Variants in KIFAP3 observed in about 807,000 individuals in gnomAD.
KIFAP3 encodes kinesin associated protein 3.
In KIFAP3, 68 loss-of-function variants were observed where a neutral mutation model predicts 106.5. That is an observed-to-expected ratio of 0.64 (90% CI 0.53 to 0.78). The LOEUF is 0.78. Among genes scored for constraint, KIFAP3 ranks in the 30% least tolerant of loss-of-function variants. KIFAP3 has a pLI of 0.00. For synonymous variants in KIFAP3, 320 were observed against 311.5 expected, an observed-to-expected ratio of 1.03 and a Z score of -0.29; for missense variants, 780 against 941.8, an observed-to-expected ratio of 0.83 and a Z score of 2.25.
At chr1:169,932,188 T>C (rs1411976820) in intron 19 of KIFAP3, among the ~76,000 whole-genome samples, 1 of 152,210 alleles carries the variant, frequency 6.6e-6, no homozygotes, top group Non-Finnish European at 1.5e-5. Flanking sequence ...TTGCTTATAC[T>C]GTTTGGGGAA....
intron 3 of KIFAP3, among the ~76,000 whole-genome samples, chr1:170,045,832 G>A (rs1670217881): frequency 1.3e-5 from 2 of 152,212 alleles, no homozygotes; most frequent in Admixed American, 1.3e-4. Context: ...TTTCCTTGTT[G>A]CTAAAGTCAC....
At chr1:169,923,525 A>G (rs1188927587) in intron 19 of KIFAP3, among the ~76,000 whole-genome samples, 2 of 152,182 alleles carry the variant, frequency 1.3e-5, no homozygotes, top group East Asian at 3.8e-4. Flanking sequence ...TCTTTTGCTT[A>G]TTACCTGTCT....
intron 10 of KIFAP3, among the ~76,000 whole-genome samples, chr1:169,999,078 A>C (rs963619229): frequency 2.6e-5 from 4 of 152,206 alleles, no homozygotes; most frequent in Admixed American, 2.6e-4. Context: ...TTTGCAGATC[A>C]CATAGCAATA....
At chr1:169,961,493 A>G (rs1360230480) in intron 17 of KIFAP3, among the ~76,000 whole-genome samples, 1 of 152,206 alleles carries the variant, frequency 6.6e-6, no homozygotes, top group Non-Finnish European at 1.5e-5. Flanking sequence ...TTCTTATTTA[A>G]TATTACATAA....
chr1:169,921,681 A>T lies in KIFAP3; in HGVS notation c.2374T>A (p.Ser792Thr). Residue 792 changes from serine to threonine, a missense_variant, in exon 20 of 20, where the codon TCT becomes ACT. Physicochemically the swap from Ser to Thr is moderately conservative, Grantham distance 58. Transcript: ENST00000361580. ...PDEPYYYGYG[S>T] ...ACATGGAAACAGATACTTTATCAAGATCCATAGCCATAGTAGTAAGGTTCA... is the reference window on the plus strand; with the variant it reads ...ACATGGAAACAGATACTTTATCAAGTTCCATAGCCATAGTAGTAAGGTTCA... 6.2e-7 allele frequency: 1 copy of T among 1,610,364 alleles called. No homozygotes were observed. Among genetic ancestry groups the T allele is most frequent in the Non-Finnish European group, 8.5e-7 (1 of 1,176,660 alleles).
intron 17 of KIFAP3, among the ~76,000 whole-genome samples, chr1:169,969,866 AT>A (rs1348737902): frequency 6.6e-6 from 1 of 151,984 alleles, no homozygotes; most frequent in Non-Finnish European, 1.5e-5. Flanking sequence ...AAATTTTTAT[AT>A]TAAGGAACTT....
In KIFAP3 at chr1:169,952,800, T is replaced by C. The variant is rs1571550168; in HGVS notation, c.2273+1211A>G. Among the ~76,000 whole-genome samples, 6 of 152,240 alleles carry C rather than the reference T, an allele frequency of 3.9e-5. No individual in the cohort carries two copies. In the South Asian group the frequency reaches 1.0e-3, roughly 26 times the overall value. ...CAAGTTAAAATATATACGATGAATA[T>C]TTGTAAAACAGATTATATACAATGG... On this transcript the variant is annotated intron_variant, in intron 19 of 19. Coordinates refer to ENST00000361580, the MANE Select transcript of KIFAP3 (RefSeq NM_014970.4).
Position 169,921,551 on chromosome 1 carries a change from TA to T in KIFAP3, c.*124del. 1.4e-6 allele frequency: 1 copy of T among 698,626 alleles called. No individual in the cohort carries two copies. Among genetic ancestry groups the T allele is most frequent in the Non-Finnish European group, 2.4e-6 (1 of 409,712 alleles). The allele number at this position is 698,626 out of a possible 1,614,324, so 43.3% of individuals were successfully genotyped here. ...GGGTTAATCTGCAGCTAACAACATATAAAAATAAAAACAAACACAGACCCAC... is the reference window on the plus strand; with the variant it reads ...GGGTTAATCTGCAGCTAACAACATATAAAATAAAAACAAACACAGACCCAC... On this transcript the variant is annotated 3_prime_UTR_variant, in exon 20 of 20. Coordinates refer to ENST00000361580, the MANE Select transcript of KIFAP3 (RefSeq NM_014970.4).
At chr1:170,029,063 C>T (rs1010677651) in intron 8 of KIFAP3, among the ~76,000 whole-genome samples, 1 of 151,958 alleles carries the variant, frequency 6.6e-6, no homozygotes, top group Admixed American at 6.6e-5. Flanking sequence ...ATATCCCATA[C>T]TAACACTAGT....
chr1:169,922,067 C>G (rs1336093077), intron 19 of KIFAP3, among the ~76,000 whole-genome samples: 1 of 152,070 alleles, frequency 6.6e-6, no homozygotes, highest in Admixed American at 6.6e-5. Context: ...TAATAAATTA[C>G]TTATATATGG....
intron 1 of KIFAP3, among the ~76,000 whole-genome samples, chr1:170,064,707 GT>G (rs1671347870): frequency 1.3e-5 from 2 of 152,254 alleles, no homozygotes; most frequent in Admixed American, 1.3e-4. Flanking sequence ...TATGGCTTTA[GT>G]TTTTTCCTTA....
At chr1:169,998,393 TATATATACACACACACACACACACAC>T (rs1399444749) in intron 10 of KIFAP3, among the ~76,000 whole-genome samples, 12 of 108,806 alleles carry the variant, frequency 1.1e-4, no homozygotes, top group Non-Finnish European at 2.5e-4. Context: ...TATATATATA[TATATATACACACACACACACACACAC>T]ACACACACAC....
chr1:170,014,109 T>C (rs907979136), intron 10 of KIFAP3, among the ~76,000 whole-genome samples: 2 of 152,168 alleles, frequency 1.3e-5, no homozygotes, highest in Admixed American at 1.3e-4. Flanking sequence ...TTACTTCTTG[T>C]CTTGCCTATT....
chr1:170,000,091 T>C (rs896836509), intron 10 of KIFAP3, among the ~76,000 whole-genome samples: 4 of 152,056 alleles, frequency 2.6e-5, no homozygotes, highest in Non-Finnish European at 4.4e-5. Flanking sequence ...ACCATTCAAT[T>C]ACTAATTTTG....
chr1:169,942,926 T>A, intron 19 of KIFAP3, among the ~76,000 whole-genome samples: 1 of 87,748 alleles, frequency 1.1e-5, no homozygotes, highest in South Asian at 4.3e-4. Context: ...CCCCACCCCT[T>A]TAAAAAACAC....
intron 9 of KIFAP3, among the ~76,000 whole-genome samples, chr1:170,021,933 TTTTC>T (rs1557843624): frequency 1.4e-5 from 2 of 146,790 alleles, no homozygotes; most frequent in South Asian, 2.1e-4. Context: ...TATTTCTTTC[TTTTC>T]TTTCTTTTTT....
chr1:170,013,858 T>G (rs1248174859), intron 10 of KIFAP3, among the ~76,000 whole-genome samples: 1 of 152,236 alleles, frequency 6.6e-6, no homozygotes, highest in Non-Finnish European at 1.5e-5. Flanking sequence ...AATTTGTCAC[T>G]TCAAAAGTGG....
At chr1:170,084,680 TATC>T (rs1363996419) in intron 1 of KIFAP3, among the ~76,000 whole-genome samples, 4 of 152,064 alleles carry the variant, frequency 2.6e-5, no homozygotes, top group African/African-American at 9.7e-5. Flanking sequence ...AAGTATGAAA[TATC>T]ATGGTACAGT....
chr1:169,964,392 G>C (rs972920425), intron 17 of KIFAP3, among the ~76,000 whole-genome samples: 1 of 152,156 alleles, frequency 6.6e-6, no homozygotes. Context: ...CAATGTGGAA[G>C]AGGCAGTTAA....
Sources: gnomAD v4.1 joint callset for allele counts (sites outside exome capture counted in the v4.1 genomes callset) on GRCh38, gnomAD v4.1.1 for gene constraint, MANE v1.5 for transcripts, NCBI Gene and HGNC (gene_info 2026-07-23, HGNC 2026-07-21) for gene names.